Variants in SGCD observed in about 807,000 individuals in gnomAD.
The protein encoded by SGCD is sarcoglycan delta, also known as delta-sarcoglycan.
A neutral mutation model predicts 36.6 loss-of-function variants in SGCD; 18 were observed. The ratio of observed to expected loss-of-function variants is 0.49; its 90% CI spans 0.34 to 0.73. SGCD has a LOEUF of 0.73. Ranked by LOEUF, SGCD falls within the 30% of genes least tolerant of loss-of-function variation. The pLI is 0.01. For synonymous variants in SGCD, 133 were observed against 130.6 expected, an observed-to-expected ratio of 1.02 and a Z score of -0.12; for missense variants, 387 against 346.7, an observed-to-expected ratio of 1.12 and a Z score of -0.92.
At chr5:156,509,087 T>C (rs1756828006) in intron 4 of SGCD, among the ~76,000 whole-genome samples, 1 of 152,200 alleles carries the variant, frequency 6.6e-6, no homozygotes, top group African/African-American at 2.4e-5. Flanking sequence ...AGAATTTTGT[T>C]TTTCATTAAG....
chr5:156,232,265 C>A (rs1765038392), intron 3 of SGCD, among the ~76,000 whole-genome samples: 1 of 152,230 alleles, frequency 6.6e-6, no homozygotes, highest in Non-Finnish European at 1.5e-5. Flanking sequence ...TGGGTTAGAA[C>A]TCTGAGGAGT....
In SGCD at chr5:156,150,558, A is replaced by G. The variant is rs1327519197; in HGVS notation, c.-44+26539A>G. ...TTTTGTACCTGGTACAGTGTCATGC[A>G]TGTAGTATAGAGCTTTATAAATATG... is the stretch of plus-strand genomic sequence containing the variant. On this transcript the variant is annotated intron_variant, in intron 3 of 9. Transcript: ENST00000517913. Among the ~76,000 whole-genome samples the G allele has an allele frequency of 2.6e-5, 4 of 151,672 alleles. No homozygotes were observed. The South Asian group carries it at 6.2e-4, about 24-fold the overall frequency.
At chr5:155,891,867 A>C (rs944342994) in intron 1 of SGCD, among the ~76,000 whole-genome samples, 2 of 152,076 alleles carry the variant, frequency 1.3e-5, no homozygotes, top group African/African-American at 2.4e-5. Context: ...TGGCTGTGAA[A>C]ATGTGGCAGC....
intron 3 of SGCD, among the ~76,000 whole-genome samples, chr5:156,396,233 T>C (rs1190380900): frequency 6.6e-6 from 1 of 152,218 alleles, no homozygotes. Flanking sequence ...CATTCAGTCA[T>C]GTCTGCGATT....
At chr5:156,561,486 A>G (rs897753329) in intron 4 of SGCD, among the ~76,000 whole-genome samples, 1 of 152,272 alleles carries the variant, frequency 6.6e-6, no homozygotes, top group Non-Finnish European at 1.5e-5. Flanking sequence ...TAAGCAACGC[A>G]GTGAAACTCA....
chr5:156,070,478 AG>A (rs1404430928), intron 1 of SGCD, among the ~76,000 whole-genome samples: 1 of 149,752 alleles, frequency 6.7e-6, no homozygotes, highest in Non-Finnish European at 1.5e-5. Flanking sequence ...CCAGGGATGA[AG>A]CCCACTTGAT....
intron 4 of SGCD, among the ~76,000 whole-genome samples, chr5:156,512,177 G>A (rs1357487178): frequency 3.1e-5 from 4 of 129,788 alleles, no homozygotes; most frequent in African/African-American, 1.2e-4. Context: ...CTGGATGACA[G>A]TGAGACTCTG....
At chr5:155,737,079 AATG>A in the SGCD span, among the ~76,000 whole-genome samples, 1 of 152,318 alleles carries the variant, frequency 6.6e-6, no homozygotes, top group Admixed American at 6.5e-5. Context: ...CACTGCTCTA[AATG>A]GCAGGACAGG....
intron 6 of SGCD, among the ~76,000 whole-genome samples, chr5:156,599,987 A>G (rs528294598): frequency 6.6e-6 from 1 of 152,320 alleles, no homozygotes; most frequent in African/African-American, 2.4e-5. Context: ...AGTGTGTGGA[A>G]CACAGTAAGC....
intron 3 of SGCD, among the ~76,000 whole-genome samples, chr5:156,211,215 T>C (rs1284331923): frequency 6.6e-6 from 1 of 152,104 alleles, no homozygotes; most frequent in Non-Finnish European, 1.5e-5. Context: ...AGCTGTTTTT[T>C]AGAAATGAAG....
At chr5:155,984,852 T>G (rs1264169461) in intron 1 of SGCD, among the ~76,000 whole-genome samples, 2 of 152,216 alleles carry the variant, frequency 1.3e-5, no homozygotes, top group African/African-American at 4.8e-5. Context: ...CTATTGCATA[T>G]GCATTTATGT....
chr5:156,581,366 C>CA (rs1056403964), intron 4 of SGCD, among the ~76,000 whole-genome samples: 2 of 152,234 alleles, frequency 1.3e-5, no homozygotes, highest in African/African-American at 4.8e-5. Context: ...AGTTAGGCTA[C>CA]ATGGGGTTCA....
At chr5:156,040,924 G>C (rs1759617675) in intron 1 of SGCD, among the ~76,000 whole-genome samples, 1 of 152,108 alleles carries the variant, frequency 6.6e-6, no homozygotes, top group South Asian at 2.1e-4. Flanking sequence ...TGATTTTATA[G>C]TAGCCTATTA....
chr5:155,947,291 TC>T (rs1757456023), intron 1 of SGCD, among the ~76,000 whole-genome samples: 3 of 114,822 alleles, frequency 2.6e-5, no homozygotes, highest in African/African-American at 1.0e-4. Context: ...TCATAAATAC[TC>T]TTGTGTGTGT....
intron 1 of SGCD, among the ~76,000 whole-genome samples, chr5:155,968,860 C>T (rs1757953472): frequency 6.6e-6 from 1 of 152,024 alleles, no homozygotes; most frequent in Admixed American, 6.6e-5. Flanking sequence ...CAGGAATGAA[C>T]ATATATTAGC....
rs530751210 is a variant in SGCD at position 156,594,565 on chromosome 5, T to C, written c.383-367T>C. On this transcript the variant is annotated intron_variant, in intron 5 of 8. Coordinates refer to ENST00000337851, the MANE Select transcript of SGCD (RefSeq NM_000337.6). The stretch of plus-strand genomic sequence containing the variant: ...AAAGATATGTGATTGTCTCGAGAAG[T>C]GTTGAGCCTCTGGTGCCTTGAGAAA... Among the ~76,000 whole-genome samples, 53 of 152,274 alleles carry C rather than the reference T, an allele frequency of 3.5e-4. No individual in the cohort carries two copies. In the South Asian group the frequency reaches 0.011, roughly 30 times the overall value.
intron 3 of SGCD, among the ~76,000 whole-genome samples, chr5:156,392,764 C>G (rs1433311870): frequency 6.6e-6 from 1 of 152,100 alleles, no homozygotes; most frequent in Non-Finnish European, 1.5e-5. Context: ...GGAGTCGGGC[C>G]CCTTGGTGGC....
chr5:155,752,013 A>G, the SGCD span, among the ~76,000 whole-genome samples: 63 of 152,326 alleles, frequency 4.1e-4, no homozygotes, highest in African/African-American at 1.5e-3. Context: ...TTATGATTAC[A>G]TGAGATAATA....
chr5:155,955,108 T>G (rs6886366), intron 1 of SGCD, among the ~76,000 whole-genome samples: 1 of 151,996 alleles, frequency 6.6e-6, no homozygotes, highest in African/African-American at 2.4e-5. Context: ...GAGGCCTACT[T>G]GTGTCAGGGA....
Sources: allele counts gnomAD v4.1 joint callset (sites outside exome capture counted in the v4.1 genomes callset), GRCh38; gene constraint gnomAD v4.1.1; transcripts MANE v1.5; gene names NCBI Gene and HGNC (gene_info 2026-07-23, HGNC 2026-07-21).